The following AGAP1 variants were observed in gnomAD, a reference collection of about 807,000 sequenced individuals.
The protein encoded by AGAP1 is ArfGAP with GTPase domain, ankyrin repeat and PH domain 1.
Under a neutral mutation model 105.3 loss-of-function variants are expected in AGAP1, and 29 were observed. The observed-to-expected ratio is 0.28, with a 90% CI of 0.21 to 0.38. AGAP1 has a LOEUF of 0.38. Among genes scored for constraint, AGAP1 ranks in the 10% least tolerant of loss-of-function variants. The pLI is 1.00. For missense variants in AGAP1, 998 were observed against 1,165.1 expected (o/e 0.86, Z 2.09); for synonymous variants, 509 against 485.9 (o/e 1.05, Z -0.63).
rs1423196467 is a variant in AGAP1, at chr2:235,799,786, C to T, written c.957+264C>T. On this transcript the variant is annotated intron_variant, in intron 8 of 17. Coordinates refer to ENST00000304032, the MANE Select transcript of AGAP1 (RefSeq NM_001037131.3). The surrounding 1 kb of genome is among the most constrained non-coding windows in gnomAD (Gnocchi z 5.0). ...GGGTGTGTATAAAGGCACTTGTTAT[C>T]CTGTGGCTCCAGCTAAAGATGTGTC... Among the ~76,000 whole-genome samples, 1 of 152,126 alleles carries T rather than the reference C, an allele frequency of 6.6e-6. No individual in the cohort carries two copies. The highest frequency in any genetic ancestry group is 1.5e-5 in the Non-Finnish European group (1 of 68,038).
At chr2:235,628,741 C>T (rs968927606) in intron 1 of AGAP1, among the ~76,000 whole-genome samples, 1 of 152,054 alleles carries the variant, frequency 6.6e-6, no homozygotes, top group Non-Finnish European at 1.5e-5. Flanking sequence ...GTACACTGCA[C>T]CCTATTTGTA....
chr2:236,047,199 T>A (rs2057746868), intron 15 of AGAP1, among the ~76,000 whole-genome samples: 1 of 152,156 alleles, frequency 6.6e-6, no homozygotes, highest in Non-Finnish European at 1.5e-5. Context: ...CAGGGGTCTT[T>A]TGGGTTTCGC....
At chr2:236,048,758 C>G (rs1022524498) in intron 15 of AGAP1, among the ~76,000 whole-genome samples, 2 of 152,228 alleles carry the variant, frequency 1.3e-5, no homozygotes, top group South Asian at 2.1e-4. Flanking sequence ...AAGGTGAATG[C>G]TGCTGTGACA....
chr2:235,621,670 C>G lies in AGAP1; in HGVS notation c.164-87509C>G, dbSNP rs79770696. 6.6e-3 allele frequency among the ~76,000 whole-genome samples: 1,006 copies of G among 152,344 alleles called. 9 individuals carry two copies. Among genetic ancestry groups the G allele is most frequent in the African/African-American group, 0.022 (927 of 41,582 alleles). ...CTCTCCAACACAAGGGTTGGTCATT[C>G]CCTGTGCCCATTGTTCATGCATTGG... On this transcript the variant is annotated intron_variant, in intron 1 of 17. Transcript: ENST00000304032. This position sits in a 1 kb window ranked among gnomAD's most constrained non-coding sequence, Gnocchi z 4.1.
intron 12 of AGAP1, among the ~76,000 whole-genome samples, chr2:235,950,726 A>G (rs762192032): frequency 6.6e-6 from 1 of 152,218 alleles, no homozygotes; most frequent in African/African-American, 2.4e-5. Context: ...GAAAATGTCA[A>G]TTATTACATT....
intron 6 of AGAP1, among the ~76,000 whole-genome samples, chr2:235,790,413 A>T (rs986802163): frequency 1.3e-5 from 2 of 152,132 alleles, no homozygotes; most frequent in Non-Finnish European, 2.9e-5. Flanking sequence ...AAACCGCTGG[A>T]ACCAGGCTGC....
intron 1 of AGAP1, among the ~76,000 whole-genome samples, chr2:235,651,333 C>T (rs1003714966): frequency 1.3e-5 from 2 of 151,788 alleles, no homozygotes; most frequent in African/African-American, 4.8e-5. Context: ...AACGATCTGC[C>T]AGATATCTCC....
intron 16 of AGAP1, among the ~76,000 whole-genome samples, chr2:236,118,698 T>C (rs768024990): frequency 1.9e-4 from 29 of 152,136 alleles, no homozygotes; most frequent in Non-Finnish European, 2.6e-4. Flanking sequence ...CTCTTTTCTT[T>C]GTCATCCTCA....
At chr2:235,808,069 C>T (rs974436775) in intron 9 of AGAP1, among the ~76,000 whole-genome samples, 4 of 151,750 alleles carry the variant, frequency 2.6e-5, no homozygotes, top group Non-Finnish European at 4.4e-5. Context: ...CTGGAGTCCA[C>T]GTGTGACGTA....
intron 1 of AGAP1, among the ~76,000 whole-genome samples, chr2:235,681,843 CTTTTTTTTTTTTT>C (rs56934868): frequency 8.9e-5 from 7 of 78,302 alleles, no homozygotes; most frequent in African/African-American, 3.2e-4. Flanking sequence ...ATTTAGTTTG[CTTTTTTTTTTTTT>C]TTTTTTTTTT....
At position 236,083,012 on chromosome 2, in the gene AGAP1, AG is replaced by A. The variant is rs750271810; in HGVS notation, c.2114+33733del. 2.0e-3 allele frequency among the ~76,000 whole-genome samples: 294 copies of A among 149,984 alleles called. No individual in the cohort carries two copies. The highest frequency in any genetic ancestry group is 0.011 in the Middle Eastern group (3 of 274). On this transcript the variant is annotated intron_variant, in intron 16 of 17. Coordinates refer to ENST00000304032, the MANE Select transcript of AGAP1 (RefSeq NM_001037131.3). The surrounding 1 kb of genome is among the most constrained non-coding windows in gnomAD (Gnocchi z 5.3). ...CTCTACTAAAAATACAAAATTAGGC[AG>A]GCGTGGTGGTGCACGCCTGTAATCC...
intron 6 of AGAP1, among the ~76,000 whole-genome samples, chr2:235,759,604 G>A (rs1456297328): frequency 6.6e-6 from 1 of 152,206 alleles, no homozygotes; most frequent in East Asian, 1.9e-4. Flanking sequence ...TGACTGTAAG[G>A]AGACTTGATT....
At chr2:235,497,734 A>G (rs1193109567) in intron 1 of AGAP1, among the ~76,000 whole-genome samples, 1 of 152,172 alleles carries the variant, frequency 6.6e-6, no homozygotes, top group Non-Finnish European at 1.5e-5. Context: ...AGCTGGGACT[A>G]CAGGCGCCCA....
At chr2:235,995,358 A>G (rs1302672523) in intron 13 of AGAP1, among the ~76,000 whole-genome samples, 2 of 151,854 alleles carry the variant, frequency 1.3e-5, no homozygotes, top group Non-Finnish European at 2.9e-5. Context: ...TACTAAAAAT[A>G]CAAAAATTAG....
intron 2 of AGAP1, among the ~76,000 whole-genome samples, chr2:235,711,299 C>T (rs555475643): frequency 2.6e-5 from 4 of 152,344 alleles, no homozygotes; most frequent in South Asian, 4.1e-4. Context: ...ACTAACTGAT[C>T]GTCAAGTATT....
Position 235,865,954 on chromosome 2 carries a change from T to G in AGAP1, c.1051-17391T>G, listed in dbSNP as rs1240604541. Among the ~76,000 whole-genome samples, 1 of 152,228 alleles carries G rather than the reference T, an allele frequency of 6.6e-6. No homozygotes were observed. Among genetic ancestry groups the G allele is most frequent in the East Asian group, 1.9e-4 (1 of 5,200 alleles). ...AATGATTTCTATGTTATCGATTTACTTCTTTCACTTAACGGCATTTTCTGC... is the reference window on the plus strand; with the variant it reads ...AATGATTTCTATGTTATCGATTTACGTCTTTCACTTAACGGCATTTTCTGC... On this transcript the variant is annotated intron_variant, in intron 9 of 17. Coordinates refer to ENST00000304032, the MANE Select transcript of AGAP1 (RefSeq NM_001037131.3). This position sits in a 1 kb window ranked among gnomAD's most constrained non-coding sequence, Gnocchi z 6.2.
chr2:235,612,592 T>C lies in AGAP1; in HGVS notation c.164-96587T>C, dbSNP rs1946165494. On this transcript the variant is annotated intron_variant, in intron 1 of 17. Transcript: ENST00000304032. The surrounding 1 kb of genome is among the most constrained non-coding windows in gnomAD (Gnocchi z 4.3). ...GTGACTGTGTGGGGGTCTCCCTGAC[T>C]CCTTAGAACCTGCAAATGCATGAAA... is the stretch of plus-strand genomic sequence containing the variant. Among the ~76,000 whole-genome samples the C allele has an allele frequency of 6.6e-6, 1 of 152,212 alleles. No individual in the cohort carries two copies. Among genetic ancestry groups the C allele is most frequent in the Non-Finnish European group, 1.5e-5 (1 of 68,036 alleles).
chr2:235,878,115 T>C (rs1274296837), intron 9 of AGAP1, among the ~76,000 whole-genome samples: 3 of 152,112 alleles, frequency 2.0e-5, no homozygotes, highest in Admixed American at 6.5e-5. Flanking sequence ...TATTCCCATG[T>C]CAGATGGAGA....
At position 235,989,427 on chromosome 2, in the gene AGAP1, C is replaced by A. The variant is rs1160715692; in HGVS notation, c.1645+20804C>A. On this transcript the variant is annotated intron_variant, in intron 13 of 17. Transcript: ENST00000304032. This position sits in a 1 kb window ranked among gnomAD's most constrained non-coding sequence, Gnocchi z 4.4. Reference sequence around the variant, plus strand: ...GTGAAAACATCAGGAGGAGGGTCCGCAGCTCGATGGTGATGAGTGTAGGGG... The same window carrying A: ...GTGAAAACATCAGGAGGAGGGTCCGAAGCTCGATGGTGATGAGTGTAGGGG... 6.6e-6 allele frequency among the ~76,000 whole-genome samples: 1 copy of A among 152,250 alleles called. No homozygotes were observed. Among genetic ancestry groups the A allele is most frequent in the African/African-American group, 2.4e-5 (1 of 41,564 alleles).
Sources: gnomAD v4.1 joint callset for allele counts (sites outside exome capture counted in the v4.1 genomes callset) on GRCh38, gnomAD v4.1.1 for gene constraint, Gnocchi (gnomAD v3.1) non-coding constraint, MANE v1.5 for transcripts, NCBI Gene and HGNC (gene_info 2026-07-23, HGNC 2026-07-21) for gene names.